NOL3: variants seen among roughly 807,000 people sequenced by gnomAD.
NOL3 encodes the protein muscle-enriched cytoplasmic protein.
A neutral mutation model predicts 19.2 loss-of-function variants in NOL3; 18 were observed. The ratio of observed to expected loss-of-function variants is 0.94; its 90% CI spans 0.65 to 1.39. NOL3 has a LOEUF of 1.39. Ranked by LOEUF, NOL3 falls within the 40% of genes most tolerant of loss-of-function variation. The pLI is 0.00. For synonymous variants in NOL3, 127 were observed against 137.3 expected (o/e 0.93, Z 0.52); for missense variants, 290 against 289.5 (o/e 1.00, Z -0.01).
At chr16:67,175,117 G>C (rs748522712) in exon 4 of NOL3, 2 of 1,614,006 alleles carry the variant, frequency 1.2e-6, no homozygotes, top group East Asian at 4.5e-5. Context: ...TGCTGCTGGA[G>C]CTGAATCGGA....
chr16:67,172,919 C>T (rs1012490029), intron 1 of NOL3: 1 of 150,806 alleles, frequency 6.6e-6, no homozygotes, highest in African/African-American at 2.4e-5. Flanking sequence ...TAGTGAAACC[C>T]CGTCTCCACT....
Position 67,170,989 on chromosome 16 carries a change from G to A in NOL3, c.-9+415G>A, listed in dbSNP as rs897036085. Among the ~76,000 whole-genome samples the A allele has an allele frequency of 6.6e-6, 1 of 152,360 alleles. No homozygotes were observed. The highest frequency in any genetic ancestry group is 2.1e-4 in the South Asian group (1 of 4,828). ...AACTTCGGTATTGAGAGCTGTGTGA[G>A]CCTCAAAGGGAGGGCCCAGACCAGC... is the stretch of plus-strand genomic sequence containing the variant. On this transcript the variant is annotated intron_variant, in intron 1 of 3. Coordinates refer to ENST00000268605, the Ensembl canonical transcript of NOL3. The surrounding 1 kb of genome is among the most constrained non-coding windows in gnomAD (Gnocchi z 5.7).
chr16:67,171,348 G>GGAACA (rs1005301038), intron 1 of NOL3: 1 of 152,328 alleles, frequency 6.6e-6, no homozygotes, highest in Non-Finnish European at 1.5e-5. Context: ...TGTAGACAAG[G>GGAACA]GAACATTTGA....
At chr16:67,174,773 C>A (rs1450646021) in exon 3 of NOL3, 4 of 1,607,978 alleles carry the variant, frequency 2.5e-6, no homozygotes, top group Non-Finnish European at 3.4e-6. Context: ...ATCCGGGACC[C>A]CGGAGGAGCC....
exon 4 of NOL3, chr16:67,175,497 G>A: frequency 3.6e-6 from 1 of 274,838 alleles, no homozygotes; most frequent in Non-Finnish European, 5.9e-6. Flanking sequence ...AGGGGAGGGT[G>A]ACTTCTCTCC....
intron 1 of NOL3, chr16:67,172,051 G>A (rs544812129): frequency 2.0e-5 from 3 of 152,352 alleles, no homozygotes; most frequent in Admixed American, 1.3e-4. Flanking sequence ...GAGGCAGGAT[G>A]GCGGCTAGGA....
intron 1 of NOL3, chr16:67,172,974 T>TAAAAAA (rs544086850): frequency 1.5e-5 from 1 of 66,164 alleles, no homozygotes; most frequent in Non-Finnish European, 3.1e-5. Context: ...ACCCCACCTC[T>TAAAAAA]AAAAAAAAAA....
exon 3 of NOL3, chr16:67,174,857 G>A: frequency 6.2e-7 from 1 of 1,609,106 alleles, no homozygotes; most frequent in Admixed American, 1.7e-5. Flanking sequence ...GCTGGAACCC[G>A]AGGCTGAAGC....
At position 67,173,410 on chromosome 16, in the gene NOL3, G is replaced by T. The variant is rs79438690; in HGVS notation, c.-8-752G>T. On this transcript the variant is annotated intron_variant, in intron 1 of 3. Transcript: ENST00000268605. ...GGAATCAGGGGACCAGGAAGGGCCA[G>T]GAGACTACATTGGGGTTGCACTATG... Among the ~76,000 whole-genome samples, 916 of 152,304 alleles carry T rather than the reference G, an allele frequency of 6.0e-3. 7 individuals are homozygous for T. Among genetic ancestry groups the T allele is most frequent in the African/African-American group, 0.021 (856 of 41,562 alleles).
intron 1 of NOL3, among the ~76,000 whole-genome samples, chr16:67,172,435 A>AC (rs374932257): frequency 6.6e-6 from 1 of 151,516 alleles, no homozygotes; most frequent in African/African-American, 2.4e-5. Flanking sequence ...ACATAGTGAA[A>AC]CCCCGTCTCA....
exon 3 of NOL3, chr16:67,174,843 CAGAGCT>C: frequency 6.2e-7 from 1 of 1,606,496 alleles, no homozygotes. Flanking sequence ...GAGCCAGAGC[CAGAGCT>C]GGAACCCGAG....
exon 2 of NOL3, chr16:67,174,365 C>G: frequency 6.3e-7 from 1 of 1,579,440 alleles, no homozygotes; most frequent in Middle Eastern, 1.8e-4. Flanking sequence ...GCTGCTGGTG[C>G]AGGGCAAGGG....
In NOL3 at chr16:67,173,981, C is replaced by T. The variant is rs1169772355; in HGVS notation, c.-8-181C>T. The T allele has an allele frequency of 1.5e-5, 23 of 1,537,994 alleles. No homozygotes were observed. In the East Asian group the frequency reaches 5.4e-4, roughly 36 times the overall value. On this transcript the variant is annotated intron_variant, in intron 1 of 3. Transcript: ENST00000268605. ...CAGAGCGTCTGGAGAGGCAGGAGGA[C>T]ACCGAGTTCCCCGTGTTGGCCTCCA...
At chr16:67,173,751 TG>T in intron 1 of NOL3, 2 of 929,512 alleles carry the variant, frequency 2.2e-6, no homozygotes, top group Non-Finnish European at 3.2e-6. Flanking sequence ...CCTGGTTAGG[TG>T]GGGAAGCAGA....
In NOL3 at chr16:67,173,872, C is replaced by A. The variant is rs769397035; in HGVS notation, c.-8-290C>A. ...GGGGAGGGCATTCAGAGAGTAGATGCCAGTCCTGGGAAAGGCAGGGGAGGA... is the reference window on the plus strand; with the variant it reads ...GGGGAGGGCATTCAGAGAGTAGATGACAGTCCTGGGAAAGGCAGGGGAGGA... On this transcript the variant is annotated intron_variant, in intron 1 of 3. Coordinates refer to ENST00000268605, the Ensembl canonical transcript of NOL3. 12 of 1,534,942 alleles carry A rather than the reference C, an allele frequency of 7.8e-6. No homozygotes were observed. In the South Asian group the frequency reaches 1.4e-4, roughly 18 times the overall value.
At chr16:67,172,280 C>T (rs569503868) in intron 1 of NOL3, among the ~76,000 whole-genome samples, 7 of 152,202 alleles carry the variant, frequency 4.6e-5, no homozygotes, top group African/African-American at 1.7e-4. Flanking sequence ...CTGGGTCAGG[C>T]CACTCACAGG....
intron 1 of NOL3, chr16:67,172,028 G>C (rs1283376357): frequency 6.6e-6 from 1 of 152,240 alleles, no homozygotes; most frequent in African/African-American, 2.4e-5. Context: ...AGAGGGTACT[G>C]AGAAAGACCT....
At chr16:67,175,202 C>T in exon 4 of NOL3, 2 of 1,539,066 alleles carry the variant, frequency 1.3e-6, no homozygotes, top group East Asian at 4.5e-5. Context: ...GACCTGGGCT[C>T]TCTCCACGAT....
intron 1 of NOL3, chr16:67,171,239 C>G (rs1209198756): frequency 6.6e-6 from 1 of 152,276 alleles, no homozygotes; most frequent in Non-Finnish European, 1.5e-5. Flanking sequence ...TCTGCGTGTA[C>G]ACAGTGCAAT....
Sources: allele counts gnomAD v4.1 joint callset (sites outside exome capture counted in the v4.1 genomes callset), GRCh38; gene constraint gnomAD v4.1.1; non-coding constraint Gnocchi (gnomAD v3.1); transcripts MANE v1.5; gene names NCBI Gene and HGNC (gene_info 2026-07-23, HGNC 2026-07-21).